Variants in USP49 observed in about 807,000 individuals in gnomAD.
USP49 encodes the protein ubiquitin carboxyl-terminal hydrolase 49.
USP49 carries 24 observed loss-of-function variants against 58.6 expected under a neutral mutation model. The ratio of observed to expected loss-of-function variants is 0.41; its 90% CI spans 0.30 to 0.58. USP49 has a LOEUF of 0.58. Among genes scored for constraint, USP49 ranks in the 20% least tolerant of loss-of-function variants. USP49 has a pLI of 0.30. For missense variants in USP49, 703 were observed against 866.1 expected (o/e 0.81, Z 2.36); for synonymous variants, 408 against 365.1 (o/e 1.12, Z -1.34).
intron 3 of USP49, among the ~76,000 whole-genome samples, chr6:41,867,405 G>A (rs1475962952): frequency 1.3e-5 from 2 of 152,024 alleles, no homozygotes; most frequent in African/African-American, 4.8e-5. Context: ...TCTATGAATA[G>A]CAGCTAAATA....
At chr6:41,847,018 A>G (rs992548275) in intron 3 of USP49, among the ~76,000 whole-genome samples, 2 of 152,240 alleles carry the variant, frequency 1.3e-5, no homozygotes, top group African/African-American at 4.8e-5. Context: ...TCCTGGAAAC[A>G]ACAACCAGGA....
At chr6:41,874,598 CTG>C (rs1009942698) in intron 2 of USP49, among the ~76,000 whole-genome samples, 1 of 152,176 alleles carries the variant, frequency 6.6e-6, no homozygotes, top group Non-Finnish European at 1.5e-5. Context: ...GATGAGGAAA[CTG>C]TGGCACACCT....
chr6:41,803,346 C>G lies in USP49; in HGVS notation c.1561+460G>C, dbSNP rs1470053194. Among the ~76,000 whole-genome samples the G allele has an allele frequency of 6.6e-6, 1 of 152,158 alleles. No individual in the cohort carries two copies. Among genetic ancestry groups the G allele is most frequent in the Non-Finnish European group, 1.5e-5 (1 of 68,040 alleles). ...TGAAACGGAGTCTTGCTCTGTTGCCCAGGCTGGAGTGCAATGGCGCAATCT... is the reference window on the plus strand; with the variant it reads ...TGAAACGGAGTCTTGCTCTGTTGCCGAGGCTGGAGTGCAATGGCGCAATCT... On this transcript the variant is annotated intron_variant, in intron 5 of 7. Transcript: ENST00000682992. This position sits in a 1 kb window ranked among gnomAD's most constrained non-coding sequence, Gnocchi z 4.1.
intron 3 of USP49, among the ~76,000 whole-genome samples, chr6:41,863,445 T>C (rs542362960): frequency 7.9e-5 from 12 of 152,306 alleles, no homozygotes; most frequent in African/African-American, 2.9e-4. Flanking sequence ...TGCTAGTGGA[T>C]CTTGACGCCT....
intron 2 of USP49, among the ~76,000 whole-genome samples, chr6:41,872,329 T>C (rs1001208502): frequency 6.6e-6 from 1 of 151,774 alleles, no homozygotes; most frequent in Admixed American, 6.6e-5. Flanking sequence ...TAACACAGAG[T>C]TCCTCTTCGA....
chr6:41,824,990 C>G (rs1773514648), intron 3 of USP49, among the ~76,000 whole-genome samples: 1 of 152,200 alleles, frequency 6.6e-6, no homozygotes, highest in South Asian at 2.1e-4. Flanking sequence ...CTATAGTGAG[C>G]AGGCACAAGA....
chr6:41,853,709 A>T (rs2127351500), intron 3 of USP49, among the ~76,000 whole-genome samples: 1 of 152,312 alleles, frequency 6.6e-6, no homozygotes, highest in Non-Finnish European at 1.5e-5. Flanking sequence ...ACTAAGAAGC[A>T]GGGTAGGCCA....
chr6:41,800,687 C>G (rs1349386953), intron 5 of USP49, among the ~76,000 whole-genome samples: 1 of 152,174 alleles, frequency 6.6e-6, no homozygotes, highest in Non-Finnish European at 1.5e-5. Context: ...ATTCAAAACT[C>G]TGAACCTCAG....
At chr6:41,849,103 T>C (rs926026742) in intron 3 of USP49, among the ~76,000 whole-genome samples, 2 of 152,068 alleles carry the variant, frequency 1.3e-5, no homozygotes, top group African/African-American at 4.8e-5. Context: ...GACACATAGA[T>C]TGAAAAGTCT....
intron 3 of USP49, among the ~76,000 whole-genome samples, chr6:41,852,528 T>C (rs1436845228): frequency 6.6e-6 from 1 of 152,070 alleles, no homozygotes; most frequent in Non-Finnish European, 1.5e-5. Context: ...ACTGAGCAAG[T>C]GAAAGACTTG....
At position 41,790,720 on chromosome 6, in the gene USP49, ATTGT is replaced by A. The variant is rs1292724701; in HGVS notation, c.*5809_*5812del. 1 of 152,224 alleles carries A rather than the reference ATTGT, an allele frequency of 6.6e-6. No homozygotes were observed. The highest frequency in any genetic ancestry group is 1.9e-4 in the East Asian group (1 of 5,196). 9.4% of individuals were successfully genotyped at this position (152,224 alleles called of 1,614,324 possible). A position where few individuals can be genotyped will look rare whatever the true frequency, so the allele number is the denominator to read the frequency against. On this transcript the variant is annotated 3_prime_UTR_variant, in exon 8 of 8. Transcript: ENST00000682992. ...CCTTGCTGGCATAAATATTAAGAAA[ATTGT>A]TTGAGAATTAGATTTTTTTAGTATG...
At chr6:41,837,472 C>A (rs938323596) in intron 3 of USP49, among the ~76,000 whole-genome samples, 1 of 152,178 alleles carries the variant, frequency 6.6e-6, no homozygotes, top group Non-Finnish European at 1.5e-5. Flanking sequence ...GGGTTAAAGA[C>A]TTAAAAGTAA....
intron 3 of USP49, 33 bp downstream of exon 3, chr6:41,871,528 CATT>C (rs910611387): frequency 2.0e-5 from 3 of 152,138 alleles, no homozygotes; most frequent in African/African-American, 7.2e-5. Context: ...AAATAGCTTT[CATT>C]AATAATGTTT....
intron 3 of USP49, among the ~76,000 whole-genome samples, chr6:41,834,166 C>T (rs1437688275): frequency 6.6e-6 from 1 of 152,130 alleles, no homozygotes; most frequent in Non-Finnish European, 1.5e-5. Flanking sequence ...CTCTGATGTC[C>T]TTGAGATGTC....
chr6:41,805,624 A>G lies in USP49; in HGVS notation c.1356+4T>C, dbSNP rs142118113. 6.6e-4 allele frequency: 1,069 copies of G among 1,610,288 alleles called. No individual in the cohort carries two copies. Among genetic ancestry groups the G allele is most frequent in the Admixed American group, 9.4e-4 (56 of 59,830 alleles). ...TCTCATTGTCATGGTAGGCACACAC[A>G]TACCTGACTGAGCAGCTGCCCATGA... On this transcript the variant is annotated splice_donor_region_variant and intron_variant, in intron 4 of 7. Coordinates refer to ENST00000682992, the MANE Select transcript of USP49 (RefSeq NM_001286554.2).
chr6:41,792,661 T>C lies in USP49; in HGVS notation c.*3872A>G, dbSNP rs1025767178. The C allele has an allele frequency of 1.3e-5, 2 of 152,234 alleles. No homozygotes were observed. Among genetic ancestry groups the C allele is most frequent in the African/African-American group, 4.8e-5 (2 of 41,458 alleles). 9.4% of individuals were successfully genotyped at this position (152,234 alleles called of 1,614,324 possible). On this transcript the variant is annotated 3_prime_UTR_variant, in exon 8 of 8. Transcript: ENST00000682992. ...GTCACAAATACAAAGAATTTGGACATTGTAACATAATTTCAGAACTTGCTG... is the reference window on the plus strand; with the variant it reads ...GTCACAAATACAAAGAATTTGGACACTGTAACATAATTTCAGAACTTGCTG...
At chr6:41,851,176 C>T (rs1774021204) in intron 3 of USP49, among the ~76,000 whole-genome samples, 1 of 152,176 alleles carries the variant, frequency 6.6e-6, no homozygotes, top group Non-Finnish European at 1.5e-5. Flanking sequence ...AAACCAGACA[C>T]AGACATCAAG....
chr6:41,856,801 CA>C (rs1200154045), intron 3 of USP49, among the ~76,000 whole-genome samples: 1 of 152,214 alleles, frequency 6.6e-6, no homozygotes, highest in Non-Finnish European at 1.5e-5. Flanking sequence ...ACCACATTCA[CA>C]AAGCTTTTAT....
rs1772769996 is a variant in USP49 at position 41,790,116 on chromosome 6, T to C, written c.*6417A>G. 6.6e-6 allele frequency: 1 copy of C among 152,090 alleles called. No individual in the cohort carries two copies. Among genetic ancestry groups the C allele is most frequent in the South Asian group, 2.1e-4 (1 of 4,826 alleles). The allele number at this position is 152,090 out of a possible 1,614,324, so 9.4% of individuals were successfully genotyped here. A position where few individuals can be genotyped will look rare whatever the true frequency, so the allele number is the denominator to read the frequency against. On this transcript the variant is annotated 3_prime_UTR_variant, in exon 8 of 8. Coordinates refer to ENST00000682992, the MANE Select transcript of USP49 (RefSeq NM_001286554.2). The stretch of plus-strand genomic sequence containing the variant: ...TGTTAACCTAGCATGAAGTTTATTC[T>C]TGAAGAATTTACATTGTTGAGCAAT...
Sources: gnomAD v4.1 joint callset for allele counts (sites outside exome capture counted in the v4.1 genomes callset) on GRCh38, gnomAD v4.1.1 for gene constraint, Gnocchi (gnomAD v3.1) non-coding constraint, MANE v1.5 for transcripts, NCBI Gene and HGNC (gene_info 2026-07-23, HGNC 2026-07-21) for gene names.